The following RPTOR variants were observed in gnomAD, a reference collection of about 807,000 sequenced individuals.
The protein encoded by RPTOR is regulatory associated protein of MTOR complex 1.
RPTOR carries 21 observed loss-of-function variants against 169.9 expected under a neutral mutation model. The ratio of observed to expected loss-of-function variants is 0.12; its 90% CI spans 0.09 to 0.18. RPTOR has a LOEUF of 0.18. Ranked by LOEUF, RPTOR falls within the 10% of genes least tolerant of loss-of-function variation. The probability of loss-of-function intolerance (pLI) is 1.00; values close to 1 mark genes in which losing one functional copy is unlikely to be tolerated. For synonymous variants in RPTOR, 732 were observed against 753.2 expected (o/e 0.97, Z 0.46); for missense variants, 1,133 against 1,855.9 (o/e 0.61, Z 7.16).
rs1188165494 is a variant in RPTOR, at chr17:80,964,635, T to C, written c.*305T>C. On this transcript the variant is annotated 3_prime_UTR_variant, in exon 34 of 34. Coordinates refer to ENST00000306801, the MANE Select transcript of RPTOR (RefSeq NM_020761.3). ...CCTGTTCTGTGTTTCTCTGAGACGC[T>C]GAAAGGGGAAACACCTCACTTTATT... The C allele has an allele frequency of 2.2e-6, 1 of 449,108 alleles. No individual in the cohort carries two copies. The highest frequency in any genetic ancestry group is 4.1e-6 in the Non-Finnish European group (1 of 245,862). The allele number at this position is 449,108 out of a possible 1,614,324, so 27.8% of individuals were successfully genotyped here.
rs2069412926 is a variant in RPTOR, at chr17:80,965,338, G to C, written c.*1008G>C. 3 of 233,164 alleles carry C rather than the reference G, an allele frequency of 1.3e-5. No homozygotes were observed. The highest frequency in any genetic ancestry group is 2.5e-5 in the Non-Finnish European group (3 of 118,048). 14.4% of individuals were successfully genotyped at this position (233,164 alleles called of 1,614,324 possible). On this transcript the variant is annotated 3_prime_UTR_variant, in exon 34 of 34. Coordinates refer to ENST00000306801, the MANE Select transcript of RPTOR (RefSeq NM_020761.3). ...CACATACAGGCAAGAGGCACTGCCG[G>C]GTCCCGGACGGCTCCGGGTGACACC...
At chr17:80,649,769 C>T (rs2065625103) in intron 3 of RPTOR, among the ~76,000 whole-genome samples, 1 of 152,212 alleles carries the variant, frequency 6.6e-6, no homozygotes, top group African/African-American at 2.4e-5. Flanking sequence ...CAGTGCTCTC[C>T]CACTTCGTCT....
At position 80,633,079 on chromosome 17, in the gene RPTOR, T is replaced by C. The variant is rs1254742578; in HGVS notation, c.265+7286T>C. ...TCTTAAAGTGTTGAAATGACCGGCA[T>C]GAGCTACCACACTAGGCCCATTTTT... On this transcript the variant is annotated intron_variant, in intron 2 of 33. Coordinates refer to ENST00000306801, the MANE Select transcript of RPTOR (RefSeq NM_020761.3). The surrounding 1 kb of genome is among the most constrained non-coding windows in gnomAD (Gnocchi z 4.1). 6.6e-6 allele frequency among the ~76,000 whole-genome samples: 1 copy of C among 152,200 alleles called. No homozygotes were observed. The highest frequency in any genetic ancestry group is 1.5e-5 in the Non-Finnish European group (1 of 68,040).
At chr17:80,910,228 C>T (rs1314328329) in intron 21 of RPTOR, among the ~76,000 whole-genome samples, 2 of 151,944 alleles carry the variant, frequency 1.3e-5, no homozygotes, top group Non-Finnish European at 2.9e-5. Flanking sequence ...TGGCCTGGGA[C>T]TGCCTGAAAC....
intron 7 of RPTOR, among the ~76,000 whole-genome samples, chr17:80,800,315 C>G (rs935044416): frequency 2.0e-5 from 3 of 152,162 alleles, no homozygotes; most frequent in Admixed American, 2.0e-4. Context: ...ATATGTCTTC[C>G]AAAATAAATG....
intron 24 of RPTOR, among the ~76,000 whole-genome samples, chr17:80,930,428 TCC>T (rs2068879037): frequency 3.3e-3 from 1 of 302 alleles, no homozygotes; most frequent in African/African-American, 0.014. Context: ...CCTCAGCTCA[TCC>T]TCATCCCCAG....
intron 3 of RPTOR, among the ~76,000 whole-genome samples, chr17:80,680,043 G>C (rs990197355): frequency 2.3e-5 from 3 of 128,418 alleles, no homozygotes; most frequent in South Asian, 2.1e-4. Flanking sequence ...TCCAGTTCTC[G>C]GTCAGGGCCA....
intron 6 of RPTOR, among the ~76,000 whole-genome samples, chr17:80,767,126 A>C (rs374654302): frequency 1.3e-5 from 2 of 152,222 alleles, no homozygotes; most frequent in South Asian, 4.1e-4. Flanking sequence ...TAATCCCAGC[A>C]CTTTGGGAGG....
At position 80,673,621 on chromosome 17, in the gene RPTOR, C is replaced by T. The variant is rs1313945643; in HGVS notation, c.348+29811C>T. On this transcript the variant is annotated intron_variant, in intron 3 of 33. Coordinates refer to ENST00000306801, the MANE Select transcript of RPTOR (RefSeq NM_020761.3). The stretch of plus-strand genomic sequence containing the variant: ...CAGATTGCTCTTGCTTTGATGGAGC[C>T]ACTTCTTGGTAGCCGGCGCTTTGAT... Among the ~76,000 whole-genome samples the T allele has an allele frequency of 2.6e-5, 4 of 152,196 alleles. No individual in the cohort carries two copies. The South Asian group carries it at 6.2e-4, about 24-fold the overall frequency.
intron 14 of RPTOR, 40 bp from the exon 15 acceptor site, chr17:80,883,379 C>T: frequency 1.3e-6 from 2 of 1,589,090 alleles, no homozygotes; most frequent in East Asian, 2.2e-5. Flanking sequence ...TGAGAGTTTC[C>T]ACTGAGGGGA....
At chr17:80,802,562 C>G (rs928386272) in intron 7 of RPTOR, 2 of 152,082 alleles carry the variant, frequency 1.3e-5, no homozygotes, top group African/African-American at 4.8e-5. Context: ...CTACTGCACT[C>G]CAGCCTGGCG....
rs1000286582 is a variant in RPTOR, at chr17:80,820,646, G to A, written c.891-1555G>A. Among the ~76,000 whole-genome samples, 8 of 152,238 alleles carry A rather than the reference G, an allele frequency of 5.3e-5. No individual in the cohort carries two copies. Among genetic ancestry groups the A allele is most frequent in the Non-Finnish European group, 1.5e-5 (1 of 68,046 alleles). ...CACTCCCCTGCTCGGAGGTCGGAGGGCAGGCAGCCTGGCCATTCCTCCTGC... is the reference window on the plus strand; with the variant it reads ...CACTCCCCTGCTCGGAGGTCGGAGGACAGGCAGCCTGGCCATTCCTCCTGC... On this transcript the variant is annotated intron_variant, in intron 7 of 33. Coordinates refer to ENST00000306801, the MANE Select transcript of RPTOR (RefSeq NM_020761.3). The surrounding 1 kb of genome is among the most constrained non-coding windows in gnomAD (Gnocchi z 4.1).
intron 6 of RPTOR, among the ~76,000 whole-genome samples, chr17:80,787,050 T>C (rs2066999689): frequency 6.6e-6 from 1 of 152,178 alleles, no homozygotes; most frequent in Non-Finnish European, 1.5e-5. Context: ...CAGGGCGCCC[T>C]TGATGCACAC....
At chr17:80,731,264 C>T (rs1283764909) in intron 5 of RPTOR, among the ~76,000 whole-genome samples, 1 of 152,086 alleles carries the variant, frequency 6.6e-6, no homozygotes, top group Non-Finnish European at 1.5e-5. Context: ...TTCATAGGGT[C>T]GATTTGTGCC....
Position 80,957,605 on chromosome 17 carries a change from T to A in RPTOR, c.3371-19T>A. The A allele has an allele frequency of 6.2e-7, 1 of 1,610,526 alleles. No homozygotes were observed. Among genetic ancestry groups the A allele is most frequent in the Non-Finnish European group, 8.5e-7 (1 of 1,176,834 alleles). ...CAAGGGCCCATGGGGTGATGCCATG[T>A]CCCACTGTATCTCTCCAGGAGCTGG... On this transcript the variant is annotated intron_variant, in intron 28 of 33. Transcript: ENST00000306801. This position sits in a 1 kb window ranked among gnomAD's most constrained non-coding sequence, Gnocchi z 4.6.
Position 80,876,133 on chromosome 17 carries a change from G to A in RPTOR, c.1510-4282G>A, listed in dbSNP as rs200944705. 7.2e-4 allele frequency among the ~76,000 whole-genome samples: 60 copies of A among 82,778 alleles called. 8 individuals are homozygous for A. Among genetic ancestry groups the A allele is most frequent in the East Asian group, 2.4e-3 (4 of 1,634 alleles). The allele number at this position is 82,778 out of a possible 152,430, so 54.3% of individuals were successfully genotyped here. ...ACCGAGCCCGTGCTGCCCAGGATGT[G>A]TGTGTCACCTGCCGGGTCTTCCACC... On this transcript the variant is annotated intron_variant, in intron 13 of 33. Coordinates refer to ENST00000306801, the MANE Select transcript of RPTOR (RefSeq NM_020761.3).
At chr17:80,809,199 T>G (rs1228418889) in intron 7 of RPTOR, among the ~76,000 whole-genome samples, 1 of 152,212 alleles carries the variant, frequency 6.6e-6, no homozygotes, top group African/African-American at 2.4e-5. Flanking sequence ...GTTTTTTTTA[T>G]TTTATTTTTT....
chr17:80,825,969 T>C (rs534673491), intron 9 of RPTOR, among the ~76,000 whole-genome samples: 1 of 152,184 alleles, frequency 6.6e-6, no homozygotes, highest in East Asian at 1.9e-4. Flanking sequence ...GGAGCAGCCC[T>C]GGGTCAGCGG....
chr17:80,794,164 C>T (rs1480270627), intron 7 of RPTOR, among the ~76,000 whole-genome samples: 5 of 152,102 alleles, frequency 3.3e-5, no homozygotes, highest in Admixed American at 2.6e-4. Context: ...GCTATAGACT[C>T]GGAGAAAATA....
Sources: gnomAD v4.1 joint callset for allele counts (sites outside exome capture counted in the v4.1 genomes callset) on GRCh38, gnomAD v4.1.1 for gene constraint, Gnocchi (gnomAD v3.1) non-coding constraint, MANE v1.5 for transcripts, NCBI Gene and HGNC (gene_info 2026-07-23, HGNC 2026-07-21) for gene names.